The following GAB1 variants were observed in gnomAD, a reference collection of about 807,000 sequenced individuals.
GAB1 encodes GRB2 associated binding protein 1, also known as GRB2-associated-binding protein 1.
GAB1 carries 19 observed loss-of-function variants against 66.5 expected under a neutral mutation model. That is an observed-to-expected ratio of 0.29 (90% CI 0.20 to 0.42). The LOEUF (loss-of-function observed/expected upper bound fraction) is 0.42, where lower values mean the gene tolerates loss of function less well. Among genes scored for constraint, GAB1 ranks in the 10% least tolerant of loss-of-function variants. The pLI is 1.00. For synonymous variants in GAB1, 294 were observed against 301.4 expected (o/e 0.98, Z 0.25); for missense variants, 732 against 858.5 (o/e 0.85, Z 1.84).
intron 6 of GAB1, among the ~76,000 whole-genome samples, chr4:143,445,269 T>A (rs569651093): frequency 3.3e-4 from 50 of 152,306 alleles, no homozygotes; most frequent in African/African-American, 1.1e-3. Flanking sequence ...TTTTTTGACT[T>A]TTTAGTAATA....
chr4:143,441,586 A>AACC (rs1428883282), intron 6 of GAB1, among the ~76,000 whole-genome samples: 4 of 152,206 alleles, frequency 2.6e-5, no homozygotes, highest in African/African-American at 7.2e-5. Flanking sequence ...CAAGGAGGTT[A>AACC]TCAGGAACTG....
chr4:143,448,243 A>G (rs1443908992), intron 6 of GAB1, among the ~76,000 whole-genome samples: 4 of 152,022 alleles, frequency 2.6e-5, no homozygotes, highest in Admixed American at 2.6e-4. Flanking sequence ...ATATTGATCT[A>G]AAATTCTCTT....
chr4:143,358,694 C>T (rs937345929), intron 1 of GAB1, among the ~76,000 whole-genome samples: 24 of 152,198 alleles, frequency 1.6e-4, no homozygotes, highest in Non-Finnish European at 4.4e-5. Context: ...TACTGATAAT[C>T]TCTTTAGAAT....
At chr4:143,407,195 C>T (rs182136040) in intron 1 of GAB1, among the ~76,000 whole-genome samples, 152 of 151,702 alleles carry the variant, frequency 1.0e-3, no homozygotes, top group Middle Eastern at 3.4e-3. Context: ...TGCTCAAAGC[C>T]GTCTATGACC....
In GAB1 at chr4:143,337,275, G is replaced by T. The variant is rs1488644295; in HGVS notation, c.72+15G>T. 1.3e-6 allele frequency: 2 copies of T among 1,567,068 alleles called. No individual in the cohort carries two copies. The highest frequency in any genetic ancestry group is 2.3e-5 in the South Asian group (2 of 85,482). On this transcript the variant is annotated intron_variant, in intron 1 of 9. Transcript: ENST00000262994. ...TGAAGCGTTATGTAAGTAGAGCTGC[G>T]GGCACCACTCCGCGGGCCTCGGCGT...
At chr4:143,459,752 G>C (rs377684460) in intron 7 of GAB1, among the ~76,000 whole-genome samples, 1 of 152,058 alleles carries the variant, frequency 6.6e-6, no homozygotes, top group Non-Finnish European at 1.5e-5. Context: ...GTGTATTTGT[G>C]TATTACTTAC....
chr4:143,424,969 A>G (rs1293941695), intron 2 of GAB1: 13 of 621,950 alleles, frequency 2.1e-5, no homozygotes, highest in Non-Finnish European at 3.7e-5. Context: ...AAAGAAAAAA[A>G]AAGGCCTTTC....
chr4:143,433,881 A>G (rs1215143855), intron 3 of GAB1, among the ~76,000 whole-genome samples, 165 bp downstream of exon 3: 1 of 152,182 alleles, frequency 6.6e-6, no homozygotes, highest in Non-Finnish European at 1.5e-5. Context: ...ACATTCCCCT[A>G]TTGATTTCCG....
At chr4:143,369,603 A>C (rs774550178) in intron 1 of GAB1, among the ~76,000 whole-genome samples, 27 of 152,230 alleles carry the variant, frequency 1.8e-4, no homozygotes, top group Non-Finnish European at 3.5e-4. Context: ...TATTTGGAGA[A>C]GGAACACAAT....
rs372108456 is a variant in GAB1, at chr4:143,418,539, ATCT to A, written c.367+2776_367+2778del. 3.6e-3 allele frequency among the ~76,000 whole-genome samples: 555 copies of A among 152,234 alleles called. 1 individual carries two copies. Among genetic ancestry groups the A allele is most frequent in the African/African-American group, 0.01 (431 of 41,534 alleles). ...AGTTAAAATAATTTGTCATTTTATT[ATCT>A]TCTTCTTGTTCCTTTGCCTATTGCC... On this transcript the variant is annotated intron_variant, in intron 2 of 9. Transcript: ENST00000262994.
At chr4:143,390,175 C>T (rs959813550) in intron 1 of GAB1, among the ~76,000 whole-genome samples, 9 of 152,196 alleles carry the variant, frequency 5.9e-5, no homozygotes, top group Non-Finnish European at 1.5e-5. Flanking sequence ...TAAAAAGTTT[C>T]ATCCACTAAG....
In GAB1 at chr4:143,395,897, C is replaced by T. The variant is rs577822000; in HGVS notation, c.73-19580C>T. 4.6e-4 allele frequency: 211 copies of T among 455,222 alleles called. 1 individual carries two copies. The highest frequency in any genetic ancestry group is 3.8e-3 in the African/African-American group (189 of 50,136). The allele number at this position is 455,222 out of a possible 1,614,324, so 28.2% of individuals were successfully genotyped here. On this transcript the variant is annotated intron_variant, in intron 1 of 9. Coordinates refer to ENST00000262994, the MANE Select transcript of GAB1 (RefSeq NM_002039.4). Reference sequence around the variant, plus strand: ...CGAGATTGATGGACCGCCCCCCGCCCCCGGGAGAGCAGCGTAGGAAATTGC... The same window carrying T: ...CGAGATTGATGGACCGCCCCCCGCCTCCGGGAGAGCAGCGTAGGAAATTGC...
chr4:143,370,133 G>T (rs1730054394), intron 1 of GAB1, among the ~76,000 whole-genome samples: 1 of 152,212 alleles, frequency 6.6e-6, no homozygotes, highest in Non-Finnish European at 1.5e-5. Context: ...TAAAAAGACA[G>T]TAAAAATGTA....
intron 1 of GAB1, among the ~76,000 whole-genome samples, chr4:143,408,676 T>G (rs539253901): frequency 6.6e-6 from 1 of 152,208 alleles, no homozygotes; most frequent in African/African-American, 2.4e-5. Context: ...AAATTTAGAT[T>G]ACAACCTATC....
chr4:143,417,456 G>A, intron 2 of GAB1: 1 of 428,426 alleles, frequency 2.3e-6, no homozygotes. Context: ...CGTCTAGGCT[G>A]GAGTACAGTG....
rs1019846977 is a variant in GAB1, at chr4:143,434,905, AATG to A, written c.593+1195_593+1197del. Among the ~76,000 whole-genome samples, 9 of 152,310 alleles carry A rather than the reference AATG, an allele frequency of 5.9e-5. No individual in the cohort carries two copies. In the East Asian group the frequency reaches 1.7e-3, roughly 29 times the overall value. On this transcript the variant is annotated intron_variant, in intron 3 of 9. Transcript: ENST00000262994. ...TTACTATTTTTAAAAGGAGCAGAAA[AATG>A]ATGATTGAGAGGCCAATCTCTGCCA...
Position 143,433,588 on chromosome 4 carries a change from T to G in GAB1, c.465T>G (p.Ser155=). 6.2e-7 allele frequency: 1 copy of G among 1,614,014 alleles called. No homozygotes were observed. Among genetic ancestry groups the G allele is most frequent in the Non-Finnish European group, 8.5e-7 (1 of 1,179,890 alleles). The change falls in exon 3 of 10, where the codon TCT becomes TCG. Residue 155 remains serine, a synonymous_variant. Transcript: ENST00000262994. ...APPSTQADSS[S]ATLPPPYQLI... ...CATCCACCCAGGCAGATTCATCCTC[T>G]GCTACTCTACCTCCTCCATATCAGC...
intron 1 of GAB1, among the ~76,000 whole-genome samples, chr4:143,369,715 G>A (rs1224007763): frequency 6.6e-6 from 1 of 152,222 alleles, no homozygotes; most frequent in African/African-American, 2.4e-5. Context: ...GATTGGATTT[G>A]AAGCCAACAT....
rs775323954 is a variant in GAB1 at position 143,438,188 on chromosome 4, G to C, written c.783G>C (p.Leu261=). The C allele has an allele frequency of 6.2e-7, 1 of 1,613,782 alleles. No individual in the cohort carries two copies. Among genetic ancestry groups the C allele is most frequent in the African/African-American group, 1.3e-5 (1 of 74,846 alleles). Reference sequence around the variant, plus strand: ...CAGTTGACTCCAGCCTTTATAACCTGCCCAGGAGTTATTCCCATGATGTTT... The same window carrying C: ...CAGTTGACTCCAGCCTTTATAACCTCCCCAGGAGTTATTCCCATGATGTTT... ...SASVDSSLYN[L]PRSYSHDVLP... The change falls in exon 4 of 10, where the codon CTG becomes CTC. Residue 261 remains leucine, a synonymous_variant. Coordinates refer to ENST00000262994, the MANE Select transcript of GAB1 (RefSeq NM_002039.4).
Sources: allele counts gnomAD v4.1 joint callset (sites outside exome capture counted in the v4.1 genomes callset), GRCh38; gene constraint gnomAD v4.1.1; transcripts MANE v1.5; gene names NCBI Gene and HGNC (gene_info 2026-07-23, HGNC 2026-07-21).